Variants in NEBL observed in about 807,000 individuals in gnomAD.
The protein encoded by NEBL is nebulette.
In NEBL, 122 loss-of-function variants were observed where a neutral mutation model predicts 140.2. The observed-to-expected ratio is 0.87, with a 90% CI of 0.75 to 1.01. The LOEUF is 1.01. Ranked by LOEUF, NEBL falls within the 50% of genes least tolerant of loss-of-function variation. The pLI, the probability that NEBL is intolerant of heterozygous loss-of-function variation, is 0.00. For missense variants in NEBL, 1,365 were observed against 1,231.3 expected (o/e 1.11, Z -1.62); for synonymous variants, 436 against 398.9 (o/e 1.09, Z -1.11).
At chr10:21,012,290 C>T (rs1244323639) in intron 3 of NEBL, among the ~76,000 whole-genome samples, 1 of 152,116 alleles carries the variant, frequency 6.6e-6, no homozygotes, top group African/African-American at 2.4e-5. Context: ...AAGTGTGAAG[C>T]AGGATGGCAG....
Position 20,983,791 on chromosome 10 carries a change from C to A in NEBL, c.250-22012G>T, listed in dbSNP as rs546926379. Among the ~76,000 whole-genome samples the A allele has an allele frequency of 1.1e-3, 170 of 152,262 alleles. 1 individual carries two copies. The highest frequency in any genetic ancestry group is 4.0e-3 in the African/African-American group (168 of 41,562). On this transcript the variant is annotated intron_variant, in intron 3 of 6. Coordinates refer to the NEBL transcript ENST00000417816. ...TGAGAGTCTCCAGGAAAATGCTACA[C>A]ATGACATGTACAATAAGGAAAAATG...
At chr10:21,079,419 T>C (rs919673946) in intron 2 of NEBL, among the ~76,000 whole-genome samples, 1 of 152,224 alleles carries the variant, frequency 6.6e-6, no homozygotes, top group Non-Finnish European at 1.5e-5. Context: ...GTGAGGACCT[T>C]GTTTTGGAAG....
intron 2 of NEBL, among the ~76,000 whole-genome samples, chr10:21,134,393 A>T (rs1174995126): frequency 1.3e-5 from 2 of 152,218 alleles, no homozygotes; most frequent in African/African-American, 4.8e-5. Flanking sequence ...ATTTAGCAAC[A>T]GTGTTAAAAA....
chr10:21,028,973 GAA>G, intron 2 of NEBL: 1 of 558,586 alleles, frequency 1.8e-6, no homozygotes, highest in Non-Finnish European at 3.2e-6. Context: ...TTTTTAAAAT[GAA>G]AGTGTTGCTT....
At chr10:20,906,373 C>T (rs988393503) in intron 4 of NEBL, among the ~76,000 whole-genome samples, 9 of 152,116 alleles carry the variant, frequency 5.9e-5, no homozygotes, top group Non-Finnish European at 1.2e-4. Flanking sequence ...GAAAACAATA[C>T]TACTGATGCT....
At chr10:21,221,212 A>G (rs1236287208) in intron 3 of NEBL, among the ~76,000 whole-genome samples, 1 of 152,210 alleles carries the variant, frequency 6.6e-6, no homozygotes, top group African/African-American at 2.4e-5. Context: ...AGCTTGACTC[A>G]TGCATTTCAC....
At chr10:21,006,971 A>T (rs1838162555) in intron 3 of NEBL, among the ~76,000 whole-genome samples, 1 of 152,178 alleles carries the variant, frequency 6.6e-6, no homozygotes. Flanking sequence ...CAGGTAAAGG[A>T]TCCTTTCTTA....
chr10:21,085,884 T>G (rs1262560037), intron 2 of NEBL, among the ~76,000 whole-genome samples: 1 of 152,166 alleles, frequency 6.6e-6, no homozygotes, highest in Non-Finnish European at 1.5e-5. Context: ...GTCTCTCAGA[T>G]ATCATGAATA....
intron 5 of NEBL, among the ~76,000 whole-genome samples, chr10:20,878,135 G>A (rs144525309): frequency 7.6e-4 from 116 of 152,120 alleles, no homozygotes; most frequent in African/African-American, 2.3e-3. Flanking sequence ...ACTCTTGCCC[G>A]GGAACTCCAT....
At chr10:21,227,711 T>TTCTTCTTCTTTCTTCTTCTTC (rs1456600511) in intron 3 of NEBL, among the ~76,000 whole-genome samples, 1 of 46,470 alleles carries the variant, frequency 2.2e-5, no homozygotes, top group African/African-American at 6.6e-5. Flanking sequence ...CTTCTTCTTC[T>TTCTTCTTCTTTCTTCTTCTTC]TTCTTCTTCT....
At chr10:20,972,054 C>T (rs1266206365) in intron 3 of NEBL, among the ~76,000 whole-genome samples, 4 of 152,126 alleles carry the variant, frequency 2.6e-5, no homozygotes, top group Non-Finnish European at 5.9e-5. Flanking sequence ...AAGTAATTTC[C>T]AGTTAGAAAA....
rs146769214 is a variant in NEBL, at chr10:21,104,010, G to A, written c.164+68373C>T. 2.8e-3 allele frequency among the ~76,000 whole-genome samples: 423 copies of A among 152,152 alleles called. 3 individuals carry two copies. Among genetic ancestry groups the A allele is most frequent in the African/African-American group, 9.5e-3 (395 of 41,514 alleles). On this transcript the variant is annotated intron_variant, in intron 2 of 6. Transcript: ENST00000417816. The stretch of plus-strand genomic sequence containing the variant: ...AGGTTTTGTTTTGTTTTCTTTTCAT[G>A]CTTCTGGATATAAAATTGTTCCTGC...
At chr10:20,835,331 A>T (rs561594578) in intron 14 of NEBL, among the ~76,000 whole-genome samples, 182 bp downstream of exon 14, 1 of 152,340 alleles carries the variant, frequency 6.6e-6, no homozygotes, top group Admixed American at 6.5e-5. Flanking sequence ...TATTGGAAGG[A>T]TATGAGCAAA....
intron 3 of NEBL, among the ~76,000 whole-genome samples, chr10:21,193,420 AC>A (rs1310322644): frequency 6.6e-6 from 1 of 152,072 alleles, no homozygotes; most frequent in Admixed American, 6.5e-5. Context: ...AAGCTTCAAA[AC>A]CCATCCCCAC....
intron 4 of NEBL, among the ~76,000 whole-genome samples, chr10:20,922,047 G>A (rs996654144): frequency 2.6e-5 from 4 of 152,160 alleles, no homozygotes; most frequent in Admixed American, 2.0e-4. Context: ...TCCTAAAATT[G>A]TTTTGGCTCT....
chr10:20,851,734 G>A (rs367851566), intron 10 of NEBL, among the ~76,000 whole-genome samples: 11 of 152,020 alleles, frequency 7.2e-5, no homozygotes, highest in African/African-American at 2.2e-4. Flanking sequence ...GCAGTGAACC[G>A]AGATCACGCC....
intron 2 of NEBL, among the ~76,000 whole-genome samples, chr10:20,893,507 T>TG (rs970252524): frequency 1.3e-5 from 2 of 151,680 alleles, no homozygotes; most frequent in Non-Finnish European, 2.9e-5. Flanking sequence ...AGAAACTAGG[T>TG]GGGGGGAGAA....
At chr10:20,802,451 AG>A (rs11340674) in intron 26 of NEBL, among the ~76,000 whole-genome samples, 4,434 of 152,324 alleles carry the variant, frequency 0.029, 223 homozygotes, top group African/African-American at 0.1. Context: ...CTTAAATCAA[AG>A]TAACACAGTA....
At chr10:21,257,183 C>T (rs1842669092) in intron 1 of NEBL, among the ~76,000 whole-genome samples, 1 of 152,146 alleles carries the variant, frequency 6.6e-6, no homozygotes, top group Admixed American at 6.6e-5. Flanking sequence ...TAAACACTAC[C>T]AAGCAAAGGA....
Sources: gnomAD v4.1 joint callset for allele counts (sites outside exome capture counted in the v4.1 genomes callset) on GRCh38, gnomAD v4.1.1 for gene constraint, MANE v1.5 for transcripts, NCBI Gene and HGNC (gene_info 2026-07-23, HGNC 2026-07-21) for gene names.